STAU2: variants seen among roughly 807,000 people sequenced by gnomAD.
STAU2 encodes double-stranded RNA-binding protein Staufen homolog 2.
Under a neutral mutation model 65.9 loss-of-function variants are expected in STAU2, and 20 were observed. The observed-to-expected ratio is 0.30, with a 90% CI of 0.21 to 0.44. The LOEUF (loss-of-function observed/expected upper bound fraction) is 0.44, where lower values mean the gene tolerates loss of function less well. Ranked by LOEUF, STAU2 falls within the 20% of genes least tolerant of loss-of-function variation. The pLI is 1.00. For synonymous variants in STAU2, 232 were observed against 233.9 expected (o/e 0.99, Z 0.07); for missense variants, 558 against 683.9 (o/e 0.82, Z 2.05).
chr8:73,677,653 T>G (rs902244358), intron 5 of STAU2, among the ~76,000 whole-genome samples: 3 of 152,090 alleles, frequency 2.0e-5, no homozygotes, highest in African/African-American at 7.2e-5. Context: ...TCCTTTAGAG[T>G]TGTTTAACCA....
intron 9 of STAU2, among the ~76,000 whole-genome samples, chr8:73,609,035 T>C (rs1812242400): frequency 2.6e-5 from 4 of 152,076 alleles, no homozygotes; most frequent in Non-Finnish European, 5.9e-5. Context: ...TGGATGTTTG[T>C]GCCAGTCACT....
At chr8:73,431,377 AG>A (rs1469369163) in intron 13 of STAU2, among the ~76,000 whole-genome samples, 104 of 152,376 alleles carry the variant, frequency 6.8e-4, no homozygotes, top group Non-Finnish European at 1.0e-4. Flanking sequence ...AAGAAATAAA[AG>A]GTACATCTAA....
intron 6 of STAU2, among the ~76,000 whole-genome samples, chr8:73,660,962 G>C (rs1816791302): frequency 6.6e-6 from 1 of 152,000 alleles, no homozygotes; most frequent in Non-Finnish European, 1.5e-5. Context: ...ACAATGTCCA[G>C]TACAAATACA....
At chr8:73,696,811 G>A (rs1563513467) in intron 4 of STAU2, among the ~76,000 whole-genome samples, 1 of 152,138 alleles carries the variant, frequency 6.6e-6, no homozygotes, top group Admixed American at 6.6e-5. Context: ...GATAACAGTA[G>A]AAAGTTTATT....
rs988017592 is a variant in STAU2, at chr8:73,692,041, T to A, written c.115-3228A>T. 2.0e-5 allele frequency among the ~76,000 whole-genome samples: 3 copies of A among 152,244 alleles called. No individual in the cohort carries two copies. In the South Asian group the frequency reaches 6.2e-4, roughly 32 times the overall value. On this transcript the variant is annotated intron_variant, in intron 4 of 14. Coordinates refer to ENST00000524300, the MANE Select transcript of STAU2 (RefSeq NM_001164380.2). ...GGCTGGAGACTGAGTTAATAATCGA[T>A]CATGCCTATGTGACAGAGCCTCCAT...
At chr8:73,730,908 C>T (rs1383736645) in intron 3 of STAU2, among the ~76,000 whole-genome samples, 1 of 152,076 alleles carries the variant, frequency 6.6e-6, no homozygotes, top group African/African-American at 2.4e-5. Flanking sequence ...CATTTTTTGA[C>T]TGAATGACAA....
intron 4 of STAU2, among the ~76,000 whole-genome samples, chr8:73,693,084 C>A (rs1819451296): frequency 6.6e-6 from 1 of 151,990 alleles, no homozygotes; most frequent in African/African-American, 2.4e-5. Flanking sequence ...TCCCTTGAGC[C>A]CAGGAGATGA....
At chr8:73,527,566 G>A (rs1178799012) in intron 13 of STAU2, 1 of 519,716 alleles carries the variant, frequency 1.9e-6, no homozygotes, top group East Asian at 3.0e-5. Context: ...AAGTCTAGCA[G>A]ATGGTGCTAG....
intron 13 of STAU2, among the ~76,000 whole-genome samples, chr8:73,493,443 GACAA>G (rs765343401): frequency 2.2e-4 from 34 of 151,706 alleles, no homozygotes; most frequent in East Asian, 1.7e-3. Context: ...ATAATGAAAA[GACAA>G]ACAACCTAAT....
intron 3 of STAU2, among the ~76,000 whole-genome samples, chr8:73,710,249 T>C (rs1432436863): frequency 6.6e-6 from 1 of 152,036 alleles, no homozygotes; most frequent in East Asian, 1.9e-4. Context: ...ACTACTATTT[T>C]ATGTTTGTTT....
intron 5 of STAU2, among the ~76,000 whole-genome samples, chr8:73,680,910 C>A (rs529833678): frequency 1.2e-4 from 18 of 151,916 alleles, no homozygotes; most frequent in Non-Finnish European, 2.4e-4. Flanking sequence ...CCCAATCTGA[C>A]ACAGACAAAG....
chr8:73,505,678 T>C (rs752724040), intron 13 of STAU2, among the ~76,000 whole-genome samples: 3 of 152,188 alleles, frequency 2.0e-5, no homozygotes, highest in Non-Finnish European at 4.4e-5. Context: ...GACCTTATAA[T>C]AGAAGCTTAG....
At chr8:73,732,246 C>T (rs189934867) in intron 3 of STAU2, among the ~76,000 whole-genome samples, 1 of 152,338 alleles carries the variant, frequency 6.6e-6, no homozygotes, top group Non-Finnish European at 1.5e-5. Flanking sequence ...CCATTCACAA[C>T]ATGGCAGCTA....
intron 3 of STAU2, among the ~76,000 whole-genome samples, chr8:73,729,269 G>A (rs1237897362): frequency 3.3e-5 from 5 of 152,064 alleles, no homozygotes; most frequent in Non-Finnish European, 7.4e-5. Context: ...ACTTGGCCAT[G>A]GTGCATATTC....
intron 13 of STAU2, among the ~76,000 whole-genome samples, chr8:73,516,696 C>T (rs1479422941): frequency 6.6e-6 from 1 of 152,094 alleles, no homozygotes; most frequent in African/African-American, 2.4e-5. Flanking sequence ...GAGAAGGTTA[C>T]CGCTTTTCAG....
chr8:73,694,351 G>T (rs558613942), intron 4 of STAU2, among the ~76,000 whole-genome samples: 1 of 152,282 alleles, frequency 6.6e-6, no homozygotes, highest in South Asian at 2.1e-4. Context: ...AACACTGTTA[G>T]AATACTCCAA....
intron 6 of STAU2, among the ~76,000 whole-genome samples, chr8:73,663,754 C>T (rs1817017644): frequency 6.6e-6 from 1 of 151,808 alleles, no homozygotes; most frequent in Non-Finnish European, 1.5e-5. Flanking sequence ...TTATAGCCTT[C>T]ATTATACAGG....
At position 73,732,309 on chromosome 8, in the gene STAU2, G is replaced by A. The variant is rs548976345; in HGVS notation, c.-18+5975C>T. ...TTGGGGGTAGTGAGGGGAAGGAGGT[G>A]GAGCCACATTTGTATTATAAATAAC... On this transcript the variant is annotated intron_variant, in intron 3 of 14. Coordinates refer to ENST00000524300, the MANE Select transcript of STAU2 (RefSeq NM_001164380.2). Among the ~76,000 whole-genome samples, 106 of 152,258 alleles carry A rather than the reference G, an allele frequency of 7.0e-4. 1 individual carries two copies. The highest frequency in any genetic ancestry group is 2.2e-3 in the African/African-American group (90 of 41,564).
At chr8:73,592,349 G>C (rs1264573966) in intron 11 of STAU2, among the ~76,000 whole-genome samples, 1 of 151,868 alleles carries the variant, frequency 6.6e-6, no homozygotes, top group African/African-American at 2.4e-5. Flanking sequence ...AAAGAAAAAG[G>C]GAATGTTATA....
Sources: allele counts gnomAD v4.1 joint callset (sites outside exome capture counted in the v4.1 genomes callset), GRCh38; gene constraint gnomAD v4.1.1; transcripts MANE v1.5; gene names NCBI Gene and HGNC (gene_info 2026-07-23, HGNC 2026-07-21).